The following TENM2 variants were observed in gnomAD, a reference collection of about 807,000 sequenced individuals.
TENM2 encodes teneurin-2.
In TENM2, 52 loss-of-function variants were observed where a neutral mutation model predicts 245.2. The observed-to-expected ratio is 0.21, with a 90% CI of 0.17 to 0.27. The LOEUF is 0.27. TENM2 is among the 10% of genes least tolerant of loss of function. The probability of loss-of-function intolerance (pLI) is 1.00; values close to 1 mark genes in which losing one functional copy is unlikely to be tolerated. For missense variants in TENM2, 3,046 were observed against 3,666.8 expected (o/e 0.83, Z 4.37); for synonymous variants, 1,363 against 1,438.9 (o/e 0.95, Z 1.19).
chr5:167,618,492 G>A (rs566998364), intron 2 of TENM2, among the ~76,000 whole-genome samples: 2 of 152,270 alleles, frequency 1.3e-5, no homozygotes, highest in African/African-American at 4.8e-5. Flanking sequence ...CACCGGACAT[G>A]TTAAACTTCC....
At chr5:167,321,656 T>A (rs1756730900) in intron 1 of TENM2, among the ~76,000 whole-genome samples, 1 of 152,090 alleles carries the variant, frequency 6.6e-6, no homozygotes, top group Non-Finnish European at 1.5e-5. Flanking sequence ...TATCCATCCA[T>A]CCCTGCTTTG....
At chr5:166,992,627 C>T in the TENM2 span, among the ~76,000 whole-genome samples, 1 of 152,144 alleles carries the variant, frequency 6.6e-6, no homozygotes, top group African/African-American at 2.4e-5. Flanking sequence ...CCTATCTTGA[C>T]CACTTTCTGC....
the TENM2 span, among the ~76,000 whole-genome samples, chr5:167,260,983 A>G: frequency 6.6e-6 from 1 of 152,212 alleles, no homozygotes; most frequent in African/African-American, 2.4e-5. Flanking sequence ...GTTTGGTACT[A>G]GAATTATCCC....
At chr5:167,713,806 T>C (rs143254036) in intron 2 of TENM2, among the ~76,000 whole-genome samples, 6 of 152,368 alleles carry the variant, frequency 3.9e-5, no homozygotes, top group African/African-American at 1.2e-4. Context: ...TTTTTCTCTT[T>C]AGCACCTAAA....
At chr5:167,446,645 C>T (rs1391176457) in intron 2 of TENM2, among the ~76,000 whole-genome samples, 1 of 152,026 alleles carries the variant, frequency 6.6e-6, no homozygotes, top group Non-Finnish European at 1.5e-5. Context: ...TTATGAATAC[C>T]TTCAAACATG....
chr5:167,403,902 GT>G (rs34472313), intron 2 of TENM2, among the ~76,000 whole-genome samples: 38,454 of 136,682 alleles, frequency 0.28, 5,048 homozygotes, highest in East Asian at 0.36. Flanking sequence ...TGCCACAACT[GT>G]TTTTTTTTTT....
chr5:167,861,078 G>GT (rs1305564881), intron 2 of TENM2, among the ~76,000 whole-genome samples: 3 of 147,174 alleles, frequency 2.0e-5, no homozygotes, highest in African/African-American at 7.5e-5. Context: ...AGAAAACAAC[G>GT]TCAAAATAAA....
chr5:167,923,989 T>G (rs1405648301), intron 3 of TENM2, among the ~76,000 whole-genome samples: 3 of 152,136 alleles, frequency 2.0e-5, no homozygotes, highest in Non-Finnish European at 4.4e-5. Flanking sequence ...ATTGTGCCCG[T>G]GGTGTGAGCA....
At chr5:168,160,837 G>A (rs1757682866) in intron 12 of TENM2, among the ~76,000 whole-genome samples, 1 of 151,984 alleles carries the variant, frequency 6.6e-6, no homozygotes, top group Non-Finnish European at 1.5e-5. Context: ...ACTAACCTGG[G>A]CAACATAGCA....
At chr5:167,628,038 T>C (rs1778625031) in intron 2 of TENM2, among the ~76,000 whole-genome samples, 1 of 152,216 alleles carries the variant, frequency 6.6e-6, no homozygotes. Context: ...CGGATTATGC[T>C]TCACATAGCA....
At chr5:167,484,272 T>C (rs940204825) in intron 2 of TENM2, among the ~76,000 whole-genome samples, 2 of 152,068 alleles carry the variant, frequency 1.3e-5, no homozygotes, top group African/African-American at 4.8e-5. Context: ...TTGAACCCCT[T>C]ATTACCTCAG....
chr5:167,754,485 A>G (rs1437126695), intron 2 of TENM2, among the ~76,000 whole-genome samples: 1 of 152,176 alleles, frequency 6.6e-6, no homozygotes, highest in African/African-American at 2.4e-5. Flanking sequence ...TGATATTTGA[A>G]CATTCTATAG....
intron 2 of TENM2, among the ~76,000 whole-genome samples, chr5:167,462,140 C>T (rs1414179915): frequency 1.3e-5 from 2 of 150,100 alleles, no homozygotes; most frequent in East Asian, 2.0e-4. Context: ...AAATTTTCTT[C>T]AGACTAATGC....
rs70976465 is a variant in TENM2 at position 168,154,147 on chromosome 5, TA to T, written c.2423-8445del. 7.6e-3 allele frequency among the ~76,000 whole-genome samples: 644 copies of T among 85,074 alleles called. 14 individuals carry two copies. Among genetic ancestry groups the T allele is most frequent in the Middle Eastern group, 0.053 (10 of 188 alleles). The allele number at this position is 85,074 out of a possible 152,430, so 55.8% of individuals were successfully genotyped here. Reference sequence around the variant, plus strand: ...CATTTCCTCACATGATCACCTACTTTAAAAAAAAAAAAAAAAAAACAGTAAG... The same window carrying T: ...CATTTCCTCACATGATCACCTACTTTAAAAAAAAAAAAAAAAAACAGTAAG... On this transcript the variant is annotated intron_variant, in intron 12 of 28. Transcript: ENST00000518659.
chr5:168,012,702 T>G (rs550606674), intron 5 of TENM2, among the ~76,000 whole-genome samples: 1 of 145,976 alleles, frequency 6.9e-6, no homozygotes, highest in South Asian at 2.2e-4. Flanking sequence ...TCCAAAGTCC[T>G]TCTCAGGATG....
chr5:167,031,645 A>G, the TENM2 span, among the ~76,000 whole-genome samples: 61 of 152,176 alleles, frequency 4.0e-4, 2 homozygotes, highest in African/African-American at 1.4e-3. Context: ...GCTCACTGCA[A>G]TCCCCGCCTC....
chr5:167,526,411 A>G (rs1418493517), intron 2 of TENM2, among the ~76,000 whole-genome samples: 3 of 150,374 alleles, frequency 2.0e-5, no homozygotes, highest in Non-Finnish European at 3.0e-5. Flanking sequence ...AAGAATGAAT[A>G]TTCTGCAACA....
intron 2 of TENM2, among the ~76,000 whole-genome samples, chr5:167,696,606 A>C (rs1447614839): frequency 6.6e-6 from 1 of 152,242 alleles, no homozygotes; most frequent in Non-Finnish European, 1.5e-5. Flanking sequence ...AATCAACAGA[A>C]ATAGGAAAAA....
At chr5:167,229,397 G>C in the TENM2 span, among the ~76,000 whole-genome samples, 1 of 152,230 alleles carries the variant, frequency 6.6e-6, no homozygotes, top group Non-Finnish European at 1.5e-5. Context: ...ACAGTGGTGG[G>C]CTGGGTGGCT....
Sources: allele counts gnomAD v4.1 joint callset (sites outside exome capture counted in the v4.1 genomes callset), GRCh38; gene constraint gnomAD v4.1.1; transcripts MANE v1.5; gene names NCBI Gene and HGNC (gene_info 2026-07-23, HGNC 2026-07-21).